Variants in PCSK2 observed in about 807,000 individuals in gnomAD.
The protein encoded by PCSK2 is proprotein convertase subtilisin/kexin type 2, also known as neuroendocrine convertase 2.
A neutral mutation model predicts 69.7 loss-of-function variants in PCSK2; 14 were observed. The observed-to-expected ratio is 0.20, with a 90% CI of 0.13 to 0.31. The LOEUF (loss-of-function observed/expected upper bound fraction) is 0.31, where lower values mean the gene tolerates loss of function less well. Ranked by LOEUF, PCSK2 falls within the 10% of genes least tolerant of loss-of-function variation. The pLI is 1.00. For missense variants in PCSK2, 544 were observed against 842.5 expected, an observed-to-expected ratio of 0.65 and a Z score of 4.39; for synonymous variants, 307 against 320.7, an observed-to-expected ratio of 0.96 and a Z score of 0.46.
chr20:17,232,600 A>G (rs1236404934), intron 1 of PCSK2, among the ~76,000 whole-genome samples: 1 of 152,180 alleles, frequency 6.6e-6, no homozygotes, highest in African/African-American at 2.4e-5. Context: ...GGTCAGATAT[A>G]TGTATTTTGA....
At chr20:17,408,711 T>A (rs2031806678) in intron 5 of PCSK2, among the ~76,000 whole-genome samples, 1 of 152,210 alleles carries the variant, frequency 6.6e-6, no homozygotes, top group Admixed American at 6.5e-5. Context: ...ATGATATTTG[T>A]TGAGTGAATA....
At chr20:17,402,828 G>A (rs1173226138) in intron 5 of PCSK2, among the ~76,000 whole-genome samples, 1 of 151,690 alleles carries the variant, frequency 6.6e-6, no homozygotes. Flanking sequence ...GTGGTGGTGG[G>A]CTCCTGTAGT....
chr20:17,385,895 A>G (rs2031221783), intron 5 of PCSK2, among the ~76,000 whole-genome samples: 1 of 152,210 alleles, frequency 6.6e-6, no homozygotes, highest in Non-Finnish European at 1.5e-5. Flanking sequence ...CTTATCCATC[A>G]TTGGTTGATG....
At chr20:17,344,292 T>G (rs1369238280) in intron 2 of PCSK2, among the ~76,000 whole-genome samples, 1 of 152,212 alleles carries the variant, frequency 6.6e-6, no homozygotes, top group Non-Finnish European at 1.5e-5. Flanking sequence ...AGCTGCCTGG[T>G]GCTGGGGAGG....
intron 2 of PCSK2, among the ~76,000 whole-genome samples, chr20:17,337,492 G>C (rs1313491062): frequency 6.6e-6 from 1 of 152,130 alleles, no homozygotes; most frequent in East Asian, 1.9e-4. Context: ...CTGTAGATGA[G>C]AACAGGATGC....
chr20:17,300,049 G>A (rs1269605874), intron 2 of PCSK2, among the ~76,000 whole-genome samples: 5 of 152,290 alleles, frequency 3.3e-5, no homozygotes, highest in African/African-American at 9.6e-5. Context: ...ACATACTTCA[G>A]GCCCAGAAAA....
rs551262943 is a variant in PCSK2 at position 17,294,135 on chromosome 20, C to T, written c.282+33791C>T. On this transcript the variant is annotated intron_variant, in intron 2 of 11. Coordinates refer to ENST00000262545, the MANE Select transcript of PCSK2 (RefSeq NM_002594.5). ...TTTTTTTTTTTTTGAGACGGAGTCC[C>T]GCTGTTTAGCCCAGGCCGGATTGCA... Among the ~76,000 whole-genome samples, 12 of 142,684 alleles carry T rather than the reference C, an allele frequency of 8.4e-5. No individual in the cohort carries two copies. The South Asian group carries it at 1.6e-3, about 18-fold the overall frequency. The allele number at this position is 142,684 out of a possible 152,430, so 93.6% of individuals were successfully genotyped here.
chr20:17,280,801 C>A (rs1988281042), intron 2 of PCSK2, among the ~76,000 whole-genome samples: 1 of 152,170 alleles, frequency 6.6e-6, no homozygotes, highest in South Asian at 2.1e-4. Context: ...TTCTAGCTGG[C>A]CAAATAAGCA....
At chr20:17,342,171 CA>C (rs1990528899) in intron 2 of PCSK2, among the ~76,000 whole-genome samples, 1 of 105,730 alleles carries the variant, frequency 9.5e-6, no homozygotes, top group African/African-American at 3.2e-5. Context: ...ATTACACATA[CA>C]CACACACATA....
chr20:17,477,269 G>A (rs191509189), intron 11 of PCSK2, among the ~76,000 whole-genome samples: 1 of 152,310 alleles, frequency 6.6e-6, no homozygotes, highest in South Asian at 2.1e-4. Flanking sequence ...AAGGATATTT[G>A]CATAGGCAAT....
chr20:17,226,620 G>A (rs1160313341), upstream of PCSK2, among the ~76,000 whole-genome samples: 2 of 151,830 alleles, frequency 1.3e-5, no homozygotes, highest in Admixed American at 6.5e-5. Flanking sequence ...TCCCCTCGGG[G>A]CCTCTGAGAG....
chr20:17,302,423 C>T (rs1274520675), intron 2 of PCSK2, among the ~76,000 whole-genome samples: 7 of 152,164 alleles, frequency 4.6e-5, no homozygotes, highest in Non-Finnish European at 1.0e-4. Flanking sequence ...ACTATTGCTT[C>T]TTATGTCCCA....
chr20:17,365,120 C>G (rs1464150563), intron 4 of PCSK2, among the ~76,000 whole-genome samples: 1 of 152,096 alleles, frequency 6.6e-6, no homozygotes. Context: ...AGATGTATTT[C>G]TCACACTTCT....
rs116281824 is a variant in PCSK2, at chr20:17,247,233, C to G, written c.178-13007C>G. Among the ~76,000 whole-genome samples the G allele has an allele frequency of 2.5e-3, 386 of 152,248 alleles. 3 individuals carry two copies. Among genetic ancestry groups the G allele is most frequent in the African/African-American group, 9.0e-3 (373 of 41,556 alleles). ...TTTCTCTCCCATCCCTACTCCTGGG[C>G]ATCATGTTCTGCCTATAAGAGATTG... On this transcript the variant is annotated intron_variant, in intron 1 of 11. Coordinates refer to ENST00000262545, the MANE Select transcript of PCSK2 (RefSeq NM_002594.5).
At chr20:17,399,013 G>A (rs1218735789) in intron 5 of PCSK2, among the ~76,000 whole-genome samples, 1 of 152,018 alleles carries the variant, frequency 6.6e-6, no homozygotes, top group Non-Finnish European at 1.5e-5. Context: ...TGTACAATGG[G>A]GGCAAACAGT....
chr20:17,408,605 C>T (rs1458009074), intron 5 of PCSK2, among the ~76,000 whole-genome samples: 1 of 152,206 alleles, frequency 6.6e-6, no homozygotes, highest in Non-Finnish European at 1.5e-5. Context: ...CGATTGATGT[C>T]TGTTCCCGCA....
At chr20:17,321,191 T>C (rs955641207) in intron 2 of PCSK2, among the ~76,000 whole-genome samples, 1 of 152,242 alleles carries the variant, frequency 6.6e-6, no homozygotes, top group Non-Finnish European at 1.5e-5. Flanking sequence ...TAGTTAGATC[T>C]GGATTTCATT....
At chr20:17,387,520 C>T (rs2031267510) in intron 5 of PCSK2, among the ~76,000 whole-genome samples, 2 of 152,166 alleles carry the variant, frequency 1.3e-5, no homozygotes, top group Admixed American at 6.5e-5. Flanking sequence ...TCAGTTCCTC[C>T]TTGCACGTAG....
intron 2 of PCSK2, among the ~76,000 whole-genome samples, chr20:17,312,173 G>A (rs1340937): frequency 6.6e-6 from 1 of 151,980 alleles, no homozygotes; most frequent in Non-Finnish European, 1.5e-5. Flanking sequence ...TTATGGACTT[G>A]GAAACTTGGA....
Sources: allele counts gnomAD v4.1 joint callset (sites outside exome capture counted in the v4.1 genomes callset), GRCh38; gene constraint gnomAD v4.1.1; transcripts MANE v1.5; gene names NCBI Gene and HGNC (gene_info 2026-07-23, HGNC 2026-07-21).